The following PRIMA1 variants were observed in gnomAD, a reference collection of about 807,000 sequenced individuals.
PRIMA1 encodes proline rich membrane anchor 1.
PRIMA1 carries 7 observed loss-of-function variants against 17.5 expected under a neutral mutation model. The observed-to-expected ratio is 0.40, with a 90% CI of 0.23 to 0.75. The LOEUF is 0.75. Ranked by LOEUF, PRIMA1 falls within the 30% of genes least tolerant of loss-of-function variation. The probability of loss-of-function intolerance (pLI) is 0.37; values close to 1 mark genes in which losing one functional copy is unlikely to be tolerated. For missense variants in PRIMA1, 200 were observed against 201.8 expected, an observed-to-expected ratio of 0.99 and a Z score of 0.05; for synonymous variants, 97 against 77.9, an observed-to-expected ratio of 1.25 and a Z score of -1.29.
Position 93,787,644 on chromosome 14 carries a change from C to G in PRIMA1, c.75G>C (p.Pro25=), listed in dbSNP as rs1369088193. 6.5e-7 allele frequency: 1 copy of G among 1,542,522 alleles called. No homozygotes were observed. The highest frequency in any genetic ancestry group is 2.0e-5 in the Admixed American group (1 of 51,004). The change falls in exon 2 of 5, where the codon CCG becomes CCC. Residue 25 remains proline (P), a synonymous_variant. Transcript: ENST00000393140. ...GTCTCACCTGCACGAAGCCCCAGAG[C>G]GGGTGGAGCGCGCAGTGCAGCAGCA... is the stretch of plus-strand genomic sequence containing the variant. ...SSLLLHCALH[P]LWGFVQVTHG... is the part of the protein sequence containing the mutation.
chr14:93,761,441 T>C (rs1884719800), intron 3 of PRIMA1, among the ~76,000 whole-genome samples: 1 of 152,180 alleles, frequency 6.6e-6, no homozygotes, highest in African/African-American at 2.4e-5. Flanking sequence ...CCCAGTCTCA[T>C]TTACACCACT....
intron 3 of PRIMA1, among the ~76,000 whole-genome samples, chr14:93,765,537 G>C (rs1308135695): frequency 6.6e-6 from 1 of 151,176 alleles, no homozygotes; most frequent in Non-Finnish European, 1.5e-5. Flanking sequence ...TATTCCTTTT[G>C]ACCCTCTCAT....
intron 4 of PRIMA1, among the ~76,000 whole-genome samples, chr14:93,731,773 G>A (rs928465392): frequency 1.3e-5 from 2 of 152,154 alleles, no homozygotes; most frequent in Admixed American, 6.5e-5. Flanking sequence ...TGCATCCCTT[G>A]TGCTTAGTCC....
Position 93,718,341 on chromosome 14 carries a change from T to G in PRIMA1, c.*3103A>C, listed in dbSNP as rs2076016436. On this transcript the variant is annotated 3_prime_UTR_variant, in exon 5 of 5. Transcript: ENST00000393140. The stretch of plus-strand genomic sequence containing the variant: ...TTGAAAATAAAAAAGTCATGGTGCT[T>G]TCTTCCTCATAAGTGGCATATGGAC... 6.6e-6 allele frequency: 1 copy of G among 152,244 alleles called. No individual in the cohort carries two copies. Among genetic ancestry groups the G allele is most frequent in the Non-Finnish European group, 1.5e-5 (1 of 68,026 alleles). 9.4% of individuals were successfully genotyped at this position (152,244 alleles called of 1,614,324 possible).
intron 4 of PRIMA1, among the ~76,000 whole-genome samples, chr14:93,729,857 A>G (rs2076102468): frequency 6.7e-6 from 1 of 149,162 alleles, no homozygotes; most frequent in African/African-American, 2.5e-5. Context: ...GTACATGCGT[A>G]TGGGGAAGGG....
chr14:93,785,757 C>T (rs980020474), intron 2 of PRIMA1, among the ~76,000 whole-genome samples: 1 of 152,144 alleles, frequency 6.6e-6, no homozygotes, highest in Non-Finnish European at 1.5e-5. Flanking sequence ...TTTTCCAGAG[C>T]CTCAAGCCAA....
At chr14:93,748,616 G>T (rs1313419838) in intron 3 of PRIMA1, among the ~76,000 whole-genome samples, 1 of 152,150 alleles carries the variant, frequency 6.6e-6, no homozygotes, top group Non-Finnish European at 1.5e-5. Flanking sequence ...CCCTTCCTGA[G>T]CCCTGGGTGA....
chr14:93,780,039 A>C (rs1241256149), intron 2 of PRIMA1, among the ~76,000 whole-genome samples: 1 of 152,188 alleles, frequency 6.6e-6, no homozygotes, highest in Non-Finnish European at 1.5e-5. Flanking sequence ...GCGATCCCTG[A>C]CAACCTCTCC....
At chr14:93,765,862 A>G (rs1884880197) in intron 3 of PRIMA1, among the ~76,000 whole-genome samples, 1 of 152,160 alleles carries the variant, frequency 6.6e-6, no homozygotes, top group African/African-American at 2.4e-5. Context: ...AGCCCCCTAA[A>G]GGCCAGCTGA....
chr14:93,760,354 T>C (rs1319460370), intron 3 of PRIMA1, among the ~76,000 whole-genome samples: 7 of 152,202 alleles, frequency 4.6e-5, no homozygotes, highest in Admixed American at 4.6e-4. Context: ...TTCCCACTCC[T>C]GTTACCTCCC....
In PRIMA1 at chr14:93,726,102, T is replaced by G. The variant is rs2076073744; in HGVS notation, c.360-4556A>C. 1 of 455,160 alleles carries G rather than the reference T, an allele frequency of 2.2e-6. No individual in the cohort carries two copies. The highest frequency in any genetic ancestry group is 4.4e-6 in the Non-Finnish European group (1 of 226,434). The allele number at this position is 455,160 out of a possible 1,614,324, so 28.2% of individuals were successfully genotyped here. ...GGCTCTGCCACCTTCAGACTTCTTG[T>G]CCCCTGCCCTGGGCTTGGAGGGCAG... is the stretch of plus-strand genomic sequence containing the variant. On this transcript the variant is annotated intron_variant, in intron 4 of 4. Coordinates refer to ENST00000393140, the MANE Select transcript of PRIMA1 (RefSeq NM_178013.4). This position sits in a 1 kb window ranked among gnomAD's most constrained non-coding sequence, Gnocchi z 4.2.
chr14:93,770,908 T>G (rs2145472), intron 3 of PRIMA1, among the ~76,000 whole-genome samples: 137,331 of 152,236 alleles, frequency 0.9, 62,622 homozygotes, highest in Non-Finnish European at 0.96. Context: ...ACGTGCTAAA[T>G]ATCTGGGGCT....
intron 3 of PRIMA1, among the ~76,000 whole-genome samples, chr14:93,754,169 C>T (rs771641217): frequency 6.6e-6 from 1 of 152,178 alleles, no homozygotes; most frequent in Non-Finnish European, 1.5e-5. Flanking sequence ...GCCCAGGTGA[C>T]ATCTGATTTA....
chr14:93,763,542 A>G (rs1168437503), intron 3 of PRIMA1, among the ~76,000 whole-genome samples: 1 of 152,186 alleles, frequency 6.6e-6, no homozygotes, highest in Non-Finnish European at 1.5e-5. Context: ...CATTTGTTTC[A>G]GAGCTGGCTG....
chr14:93,748,678 C>T (rs578088029), intron 3 of PRIMA1, among the ~76,000 whole-genome samples: 17 of 152,286 alleles, frequency 1.1e-4, no homozygotes, highest in African/African-American at 3.9e-4. Flanking sequence ...CTGTGCTCTG[C>T]GGGCCACTTG....
intron 4 of PRIMA1, among the ~76,000 whole-genome samples, chr14:93,734,486 C>A (rs1385668508): frequency 6.6e-6 from 1 of 152,206 alleles, no homozygotes; most frequent in Non-Finnish European, 1.5e-5. Context: ...TCACGAGGTT[C>A]CCACGGCACT....
chr14:93,749,814 AG>A (rs1156402804), intron 3 of PRIMA1, among the ~76,000 whole-genome samples: 2 of 152,032 alleles, frequency 1.3e-5, no homozygotes, highest in African/African-American at 2.4e-5. Flanking sequence ...AGGCCAAGGC[AG>A]GAGGATAGCT....
chr14:93,724,243 C>A (rs560021227), intron 4 of PRIMA1, among the ~76,000 whole-genome samples: 1 of 152,186 alleles, frequency 6.6e-6, no homozygotes, highest in Admixed American at 6.5e-5. Context: ...CTCCACCCCC[C>A]TCTTAGAGAT....
intron 2 of PRIMA1, among the ~76,000 whole-genome samples, chr14:93,783,178 G>A (rs1211119915): frequency 6.6e-6 from 1 of 152,224 alleles, no homozygotes; most frequent in African/African-American, 2.4e-5. Context: ...GCAGGTAGAT[G>A]AGTACTTTAT....
Sources: allele counts gnomAD v4.1 joint callset (sites outside exome capture counted in the v4.1 genomes callset), GRCh38; gene constraint gnomAD v4.1.1; non-coding constraint Gnocchi (gnomAD v3.1); transcripts MANE v1.5; gene names NCBI Gene and HGNC (gene_info 2026-07-23, HGNC 2026-07-21).